The following NFXL1 variants were observed in gnomAD, a reference collection of about 807,000 sequenced individuals.
The protein encoded by NFXL1 is nuclear transcription factor, X-box binding like 1.
In NFXL1, 66 loss-of-function variants were observed where a neutral mutation model predicts 123.3. The observed-to-expected ratio is 0.54, with a 90% CI of 0.44 to 0.66. The LOEUF (loss-of-function observed/expected upper bound fraction) is 0.66, where lower values mean the gene tolerates loss of function less well. Ranked by LOEUF, NFXL1 falls within the 30% of genes least tolerant of loss-of-function variation. The probability of loss-of-function intolerance (pLI) is 0.00; values close to 1 mark genes in which losing one functional copy is unlikely to be tolerated. For synonymous variants in NFXL1, 346 were observed against 360.8 expected (o/e 0.96, Z 0.46); for missense variants, 944 against 1,125.6 (o/e 0.84, Z 2.31).
At chr4:47,902,955 ACCAG>A (rs1299123731) in intron 5 of NFXL1, among the ~76,000 whole-genome samples, 2 of 152,164 alleles carry the variant, frequency 1.3e-5, no homozygotes, top group African/African-American at 4.8e-5. Context: ...GGAGTTCAAG[ACCAG>A]CCTGGCAGAC....
intron 18 of NFXL1, among the ~76,000 whole-genome samples, chr4:47,871,921 A>T (rs969683516): frequency 6.6e-6 from 1 of 152,188 alleles, no homozygotes; most frequent in Non-Finnish European, 1.5e-5. Flanking sequence ...ACTTGAGGAA[A>T]ATATATTTAC....
chr4:47,863,794 C>A (rs1006697765), intron 18 of NFXL1, among the ~76,000 whole-genome samples: 1 of 152,132 alleles, frequency 6.6e-6, no homozygotes, highest in African/African-American at 2.4e-5. Context: ...GTCACAAACA[C>A]CAAGGAATAA....
chr4:47,891,932 G>A (rs185064998), intron 11 of NFXL1, among the ~76,000 whole-genome samples: 14 of 149,734 alleles, frequency 9.3e-5, no homozygotes, highest in African/African-American at 3.2e-4. Context: ...GTAAGACTCC[G>A]TCTCAAAAAA....
At chr4:47,884,190 A>C (rs1225610696) in intron 15 of NFXL1, among the ~76,000 whole-genome samples, 156 bp downstream of exon 15, 1 of 152,252 alleles carries the variant, frequency 6.6e-6, no homozygotes, top group Non-Finnish European at 1.5e-5. Context: ...ACATGTTTGA[A>C]AAGAATGAAG....
At chr4:47,912,226 CAA>C (rs1487577296) in intron 2 of NFXL1, among the ~76,000 whole-genome samples, 1 of 152,032 alleles carries the variant, frequency 6.6e-6, no homozygotes, top group Non-Finnish European at 1.5e-5. Context: ...AAACTTGTCA[CAA>C]AAGAGATGAT....
At chr4:47,852,185 G>T in intron 20 of NFXL1, 1 of 415,296 alleles carries the variant, frequency 2.4e-6, no homozygotes, top group Non-Finnish European at 4.3e-6. Context: ...TAATTACTAT[G>T]TGCCACTATT....
In NFXL1 at chr4:47,859,150, T is replaced by C. The variant is rs182373709; in HGVS notation, c.2316+3696A>G. 1.4e-3 allele frequency among the ~76,000 whole-genome samples: 218 copies of C among 152,320 alleles called. 1 individual carries two copies. The highest frequency in any genetic ancestry group is 2.1e-3 in the Non-Finnish European group (146 of 68,014). On this transcript the variant is annotated intron_variant, in intron 19 of 22. Transcript: ENST00000507489. ...CCCAATCAAAGTGGGACAGGTTTTT[T>C]CTACTCTACTCAGCCCTCAACATCA... is the stretch of plus-strand genomic sequence containing the variant.
At chr4:47,913,920 C>G (rs936639646) in intron 2 of NFXL1, 49 bp downstream of exon 2, 2 of 1,354,314 alleles carry the variant, frequency 1.5e-6, no homozygotes, top group South Asian at 1.3e-5. Context: ...TGACTAGTAA[C>G]TGCCTTAGGA....
chr4:47,862,551 T>C (rs1441252468), intron 19 of NFXL1, among the ~76,000 whole-genome samples: 1 of 152,182 alleles, frequency 6.6e-6, no homozygotes, highest in Non-Finnish European at 1.5e-5. Context: ...CTGACCTACT[T>C]TAAGTATGAA....
At chr4:47,858,696 A>T (rs992074829) in intron 19 of NFXL1, among the ~76,000 whole-genome samples, 1 of 152,222 alleles carries the variant, frequency 6.6e-6, no homozygotes, top group African/African-American at 2.4e-5. Flanking sequence ...AAAGTAAGGA[A>T]AGGATTACTA....
chr4:47,880,544 A>G (rs367850561), intron 15 of NFXL1, among the ~76,000 whole-genome samples: 78 of 151,948 alleles, frequency 5.1e-4, no homozygotes, highest in African/African-American at 1.8e-3. Flanking sequence ...AAGAAAGCAA[A>G]TAACGCAATA....
chr4:47,854,635 C>CA (rs1252680265), intron 20 of NFXL1, among the ~76,000 whole-genome samples: 1 of 151,864 alleles, frequency 6.6e-6, no homozygotes, highest in Non-Finnish European at 1.5e-5. Context: ...TTTCAAAGGA[C>CA]AATACTGATG....
At position 47,852,088 on chromosome 4, in the gene NFXL1, A is replaced by G. The variant is rs562068749; in HGVS notation, c.2422-146T>C. 5.9e-6 allele frequency: 3 copies of G among 508,408 alleles called. No individual in the cohort carries two copies. The Admixed American group carries it at 1.1e-4, about 19-fold the overall frequency. 31.5% of individuals were successfully genotyped at this position (508,408 alleles called of 1,614,324 possible). A position where few individuals can be genotyped will look rare whatever the true frequency, so the allele number is the denominator to read the frequency against. Reference sequence around the variant, plus strand: ...TAATGATGATATAGTTGCAAGCATTAAATATCTGCTTCAAATAGTGATTAC... The same window carrying G: ...TAATGATGATATAGTTGCAAGCATTGAATATCTGCTTCAAATAGTGATTAC... On this transcript the variant is annotated intron_variant, in intron 20 of 22. Coordinates refer to ENST00000507489, the MANE Select transcript of NFXL1 (RefSeq NM_001278624.2).
At chr4:47,897,222 G>A (rs1401287305) in intron 9 of NFXL1, among the ~76,000 whole-genome samples, 1 of 152,136 alleles carries the variant, frequency 6.6e-6, no homozygotes, top group Non-Finnish European at 1.5e-5. Flanking sequence ...TGAGGCAGGA[G>A]GATCACTTGA....
chr4:47,860,785 T>C (rs989227158), intron 19 of NFXL1, among the ~76,000 whole-genome samples: 2 of 152,048 alleles, frequency 1.3e-5, no homozygotes, highest in Non-Finnish European at 2.9e-5. Context: ...TACTATTTAA[T>C]AGAAATGCAA....
rs1008529943 is a variant in NFXL1 at position 47,914,551 on chromosome 4, C to T, written c.-189G>A. On this transcript the variant is annotated 5_prime_UTR_variant, in exon 1 of 23. Transcript: ENST00000507489. ...GTAGGGGAAGAGTCACAGACTGACC[C>T]TGCGTCTCCCGCCGGGAACCAACTG... The T allele has an allele frequency of 1.2e-5, 3 of 240,950 alleles. No individual in the cohort carries two copies. Among genetic ancestry groups the T allele is most frequent in the African/African-American group, 6.7e-5 (3 of 44,714 alleles). 14.9% of individuals were successfully genotyped at this position (240,950 alleles called of 1,614,324 possible).
intron 9 of NFXL1, among the ~76,000 whole-genome samples, chr4:47,897,401 A>G (rs879557096): frequency 1.3e-5 from 2 of 152,190 alleles, no homozygotes; most frequent in African/African-American, 2.4e-5. Context: ...TATACATATG[A>G]TGCTGTTATT....
chr4:47,885,697 C>A (rs1324274638), intron 13 of NFXL1, 40 bp from the exon 14 acceptor site: 3 of 1,546,312 alleles, frequency 1.9e-6, no homozygotes, highest in African/African-American at 2.7e-5. Context: ...TACTTTTAGT[C>A]ATTGAATAAT....
At chr4:47,899,579 A>C (rs1164645538) in intron 5 of NFXL1, 31 bp from the exon 6 acceptor site, 2 of 1,440,424 alleles carry the variant, frequency 1.4e-6, no homozygotes, top group African/African-American at 2.8e-5. Context: ...ATTAAAGCTA[A>C]CTTCACCTTT....
Sources: allele counts gnomAD v4.1 joint callset (sites outside exome capture counted in the v4.1 genomes callset), GRCh38; gene constraint gnomAD v4.1.1; transcripts MANE v1.5; gene names NCBI Gene and HGNC (gene_info 2026-07-23, HGNC 2026-07-21).